The following DCC variants were observed in gnomAD, a reference collection of about 807,000 sequenced individuals.
DCC encodes the protein DCC netrin 1 receptor, also known as netrin receptor DCC.
A neutral mutation model predicts 172.5 loss-of-function variants in DCC; 58 were observed. That is an observed-to-expected ratio of 0.34 (90% CI 0.27 to 0.42). DCC has a LOEUF of 0.42. DCC is among the 10% of genes least tolerant of loss of function. DCC has a pLI of 1.00. For synonymous variants in DCC, 709 were observed against 644.5 expected (o/e 1.10, Z -1.52); for missense variants, 1,740 against 1,791.0 (o/e 0.97, Z 0.51).
intron 27 of DCC, among the ~76,000 whole-genome samples, chr18:53,512,626 G>A (rs2046271682): frequency 1.3e-5 from 2 of 151,900 alleles, no homozygotes; most frequent in Non-Finnish European, 2.9e-5. Flanking sequence ...AGGAGCTGAT[G>A]GAGCTGAAAA....
rs2145038075 is a variant in DCC at position 53,403,076 on chromosome 18, A to ACG, written c.2935+184_2935+185insGC. 3.4e-3 allele frequency among the ~76,000 whole-genome samples: 3 copies of ACG among 870 alleles called. No homozygotes were observed. In the South Asian group the frequency reaches 0.11, roughly 31 times the overall value. 0.6% of individuals were successfully genotyped at this position (870 alleles called of 152,430 possible). ...GACCATGGAATTCTTCTAATGGTGC[A>ACG]CACACACACACACACACACACACAC... is the stretch of plus-strand genomic sequence containing the variant. On this transcript the variant is annotated intron_variant, in intron 19 of 28. Transcript: ENST00000442544.
chr18:53,277,463 A>G (rs2056819504), intron 12 of DCC, among the ~76,000 whole-genome samples: 1 of 152,188 alleles, frequency 6.6e-6, no homozygotes, highest in Non-Finnish European at 1.5e-5. Flanking sequence ...CTACTGCTTC[A>G]ACATTCCAAT....
At chr18:52,778,025 A>ATGGTC (rs1486281998) in intron 2 of DCC, among the ~76,000 whole-genome samples, 1 of 152,184 alleles carries the variant, frequency 6.6e-6, no homozygotes, top group East Asian at 1.9e-4. Flanking sequence ...AGGGTTTTTA[A>ATGGTC]TGGTCACCAA....
intron 2 of DCC, among the ~76,000 whole-genome samples, chr18:52,774,977 G>C (rs2037404066): frequency 6.6e-6 from 1 of 152,190 alleles, no homozygotes; most frequent in Non-Finnish European, 1.5e-5. Flanking sequence ...AAGAGAGAAA[G>C]TCTGGGGCTT....
chr18:52,696,385 A>G (rs2036011488), intron 1 of DCC, among the ~76,000 whole-genome samples: 1 of 152,196 alleles, frequency 6.6e-6, no homozygotes, highest in African/African-American at 2.4e-5. Flanking sequence ...TCTGGAGAAG[A>G]GTGATAGAGC....
intron 7 of DCC, among the ~76,000 whole-genome samples, chr18:53,090,721 A>T (rs2042993568): frequency 7.7e-6 from 1 of 129,354 alleles, no homozygotes; most frequent in Admixed American, 7.6e-5. Context: ...AAAAAAAAAA[A>T]AAAAAAAAAA....
chr18:53,506,905 G>A (rs1477819376), intron 27 of DCC, among the ~76,000 whole-genome samples: 3 of 150,570 alleles, frequency 2.0e-5, no homozygotes, highest in African/African-American at 7.3e-5. Flanking sequence ...GTGGAAGTCA[G>A]TCAGAGTCCT....
chr18:52,370,427 G>C (rs1985065478), intron 1 of DCC, among the ~76,000 whole-genome samples: 4 of 152,156 alleles, frequency 2.6e-5, no homozygotes, highest in Non-Finnish European at 4.4e-5. Context: ...CTAGGATGGA[G>C]CTGGAAGCCA....
At chr18:52,531,494 G>T (rs2032149385) in intron 1 of DCC, among the ~76,000 whole-genome samples, 1 of 152,142 alleles carries the variant, frequency 6.6e-6, no homozygotes, top group South Asian at 2.1e-4. Flanking sequence ...AGTATGGTTT[G>T]TATTTGGCAT....
chr18:53,327,866 G>A (rs550644350), intron 14 of DCC, among the ~76,000 whole-genome samples: 10 of 152,120 alleles, frequency 6.6e-5, no homozygotes, highest in Non-Finnish European at 1.5e-4. Context: ...CTTTTGATAG[G>A]GACCATTTAT....
intron 12 of DCC, among the ~76,000 whole-genome samples, chr18:53,266,684 C>T (rs999162885): frequency 2.0e-5 from 3 of 151,882 alleles, no homozygotes; most frequent in Non-Finnish European, 2.9e-5. Flanking sequence ...TAGCAGTGCC[C>T]TCCTCACACT....
intron 1 of DCC, among the ~76,000 whole-genome samples, chr18:52,378,500 G>A (rs1449497152): frequency 6.6e-6 from 1 of 152,076 alleles, no homozygotes; most frequent in African/African-American, 2.4e-5. Flanking sequence ...TCTTGTTTGT[G>A]AGGCAAGATA....
chr18:52,480,488 G>C (rs1568189705), intron 1 of DCC, among the ~76,000 whole-genome samples: 2 of 152,104 alleles, frequency 1.3e-5, no homozygotes, highest in Non-Finnish European at 1.5e-5. Flanking sequence ...GAGAACCAGG[G>C]ATCTATCAAC....
chr18:53,386,362 G>A (rs1259281202), intron 16 of DCC, among the ~76,000 whole-genome samples: 1 of 152,162 alleles, frequency 6.6e-6, no homozygotes, highest in Middle Eastern at 3.4e-3. Context: ...TTAAGTAGGA[G>A]GAATTCAGTT....
At chr18:53,128,870 C>CACACACACAT (rs1300738812) in intron 7 of DCC, among the ~76,000 whole-genome samples, 9 of 77,458 alleles carry the variant, frequency 1.2e-4, no homozygotes, top group East Asian at 4.0e-4. Flanking sequence ...CACACACACA[C>CACACACACAT]ATATATATAT....
At chr18:52,852,341 A>G (rs1385320965) in intron 2 of DCC, among the ~76,000 whole-genome samples, 1 of 152,144 alleles carries the variant, frequency 6.6e-6, no homozygotes, top group East Asian at 1.9e-4. Flanking sequence ...TATAGACTTA[A>G]AGGTTTACTT....
chr18:52,749,546 C>T (rs1354432485), intron 1 of DCC, among the ~76,000 whole-genome samples: 1 of 152,160 alleles, frequency 6.6e-6, no homozygotes, highest in Non-Finnish European at 1.5e-5. Context: ...GCCTATATCC[C>T]AAAGCCATAT....
At chr18:53,451,712 T>A (rs1043560836) in intron 23 of DCC, among the ~76,000 whole-genome samples, 12 of 149,492 alleles carry the variant, frequency 8.0e-5, no homozygotes, top group Admixed American at 8.0e-4. Context: ...TCGCTCTTGC[T>A]CTCTCTCTCT....
intron 7 of DCC, among the ~76,000 whole-genome samples, chr18:53,068,575 C>T (rs545565758): frequency 2.6e-4 from 40 of 151,966 alleles, no homozygotes; most frequent in Non-Finnish European, 4.4e-4. Context: ...TAAGTGACTT[C>T]GTGTTTCTAA....
Sources: gnomAD v4.1 joint callset for allele counts (sites outside exome capture counted in the v4.1 genomes callset) on GRCh38, gnomAD v4.1.1 for gene constraint, MANE v1.5 for transcripts, NCBI Gene and HGNC (gene_info 2026-07-23, HGNC 2026-07-21) for gene names.